FGGY: variants seen among roughly 807,000 people sequenced by gnomAD.
FGGY encodes the protein FGGY carbohydrate kinase domain-containing protein.
A neutral mutation model predicts 71.3 loss-of-function variants in FGGY; 72 were observed. The ratio of observed to expected loss-of-function variants is 1.01; its 90% CI spans 0.84 to 1.23. The LOEUF is 1.23. FGGY is among the 50% of genes most tolerant of loss of function. FGGY has a pLI of 0.00. For synonymous variants in FGGY, 251 were observed against 250.3 expected, an observed-to-expected ratio of 1.00 and a Z score of -0.02; for missense variants, 668 against 682.3, an observed-to-expected ratio of 0.98 and a Z score of 0.23.
At chr1:59,690,725 G>T (rs2097581099) in intron 14 of FGGY, among the ~76,000 whole-genome samples, 1 of 152,204 alleles carries the variant, frequency 6.6e-6, no homozygotes, top group Non-Finnish European at 1.5e-5. Context: ...CCTGAAGCTG[G>T]CTAAGAAGGC....
chr1:59,310,559 C>T (rs1401623204), intron 1 of FGGY, among the ~76,000 whole-genome samples: 3 of 152,194 alleles, frequency 2.0e-5, no homozygotes, highest in African/African-American at 4.8e-5. Flanking sequence ...CCCTGTCCCC[C>T]GACTATCTCC....
intron 14 of FGGY, among the ~76,000 whole-genome samples, chr1:59,701,329 T>C (rs111400955): frequency 5.3e-4 from 80 of 152,262 alleles, no homozygotes; most frequent in African/African-American, 1.7e-3. Flanking sequence ...ACAAGTTTGG[T>C]GACTCTTTTT....
intron 14 of FGGY, among the ~76,000 whole-genome samples, chr1:59,723,555 T>G (rs74613188): frequency 3.4e-5 from 4 of 118,346 alleles, no homozygotes; most frequent in South Asian, 2.9e-4. Context: ...CATTTTCTTG[T>G]TTTTTTTTGG....
At position 59,383,163 on chromosome 1, in the gene FGGY, GT is replaced by G. The variant is rs2059678188; in HGVS notation, c.554+4328del. The stretch of plus-strand genomic sequence containing the variant: ...CTATTAAAGCAATTTTTCCAAATTA[GT>G]TGGAGTATAGGAATTACCTGAATGA... On this transcript the variant is annotated intron_variant, in intron 5 of 15. Coordinates refer to ENST00000303721, the MANE Select transcript of FGGY (RefSeq NM_018291.5). Among the ~76,000 whole-genome samples the G allele has an allele frequency of 5.9e-5, 9 of 152,236 alleles. No homozygotes were observed. In the South Asian group the frequency reaches 1.9e-3, roughly 32 times the overall value.
intron 6 of FGGY, among the ~76,000 whole-genome samples, chr1:59,475,999 T>C (rs997099743): frequency 1.3e-5 from 2 of 152,224 alleles, no homozygotes; most frequent in Non-Finnish European, 2.9e-5. Flanking sequence ...TTTTATTGCT[T>C]ACCATGCCCC....
chr1:59,298,748 G>C (rs980490582), intron 1 of FGGY, among the ~76,000 whole-genome samples: 13 of 152,268 alleles, frequency 8.5e-5, no homozygotes, highest in Admixed American at 7.2e-4. Context: ...TCCACCCCCA[G>C]GGGGATTTGA....
At chr1:59,700,844 GC>G (rs1218500429) in intron 14 of FGGY, among the ~76,000 whole-genome samples, 2 of 152,298 alleles carry the variant, frequency 1.3e-5, no homozygotes, top group East Asian at 3.9e-4. Context: ...CAGGAGAGAG[GC>G]CCTCCTGAGG....
At chr1:59,496,492 C>T (rs1558125337) in intron 6 of FGGY, among the ~76,000 whole-genome samples, 4 of 151,992 alleles carry the variant, frequency 2.6e-5, no homozygotes. Flanking sequence ...CATATGAACA[C>T]AAAGGAGAGA....
chr1:59,676,193 A>G (rs2153982830), intron 14 of FGGY, among the ~76,000 whole-genome samples: 1 of 152,218 alleles, frequency 6.6e-6, no homozygotes, highest in Middle Eastern at 3.4e-3. Context: ...TCCTGCTTGC[A>G]GGATGCGTGT....
intron 6 of FGGY, among the ~76,000 whole-genome samples, chr1:59,508,034 C>G (rs1268277683): frequency 6.6e-6 from 1 of 152,132 alleles, no homozygotes; most frequent in African/African-American, 2.4e-5. Context: ...CTACAGGAAA[C>G]TCACTTTTTG....
intron 7 of FGGY, among the ~76,000 whole-genome samples, chr1:59,551,200 G>A (rs918420560): frequency 6.6e-6 from 1 of 152,108 alleles, no homozygotes; most frequent in African/African-American, 2.4e-5. Flanking sequence ...CAACAACCAT[G>A]TGATGTTGTG....
chr1:59,470,027 C>A (rs951484360), intron 6 of FGGY, among the ~76,000 whole-genome samples: 1 of 152,132 alleles, frequency 6.6e-6, no homozygotes, highest in Non-Finnish European at 1.5e-5. Flanking sequence ...GATTCCATGT[C>A]TTTGCTATTG....
At chr1:59,320,294 CTG>C (rs1472675542) in intron 1 of FGGY, among the ~76,000 whole-genome samples, 50 of 152,154 alleles carry the variant, frequency 3.3e-4, no homozygotes, top group Non-Finnish European at 5.7e-4. Context: ...GAAGCAGTAA[CTG>C]AACATCTGCT....
At chr1:59,510,903 T>C (rs2094503254) in intron 6 of FGGY, among the ~76,000 whole-genome samples, 1 of 152,242 alleles carries the variant, frequency 6.6e-6, no homozygotes, top group Non-Finnish European at 1.5e-5. Flanking sequence ...GTTCCGAACA[T>C]ACTTAAAAGT....
intron 8 of FGGY, among the ~76,000 whole-genome samples, chr1:59,604,958 G>T (rs986364680): frequency 6.6e-6 from 1 of 152,178 alleles, no homozygotes; most frequent in Non-Finnish European, 1.5e-5. Flanking sequence ...AATTTTCACT[G>T]GGCAAAGAAA....
intron 6 of FGGY, among the ~76,000 whole-genome samples, chr1:59,488,108 A>T (rs2093709813): frequency 6.6e-6 from 1 of 152,068 alleles, no homozygotes; most frequent in Non-Finnish European, 1.5e-5. Context: ...GCATATTCAT[A>T]TTTTCATGAT....
intron 7 of FGGY, among the ~76,000 whole-genome samples, chr1:59,519,768 G>GGCTACA (rs745803380): frequency 3.3e-5 from 5 of 152,210 alleles, no homozygotes; most frequent in Non-Finnish European, 7.3e-5. Context: ...CTACAAGGTA[G>GGCTACA]AGGTTGTTTC....
At chr1:59,424,078 T>G (rs2065908982) in intron 5 of FGGY, among the ~76,000 whole-genome samples, 1 of 152,252 alleles carries the variant, frequency 6.6e-6, no homozygotes, top group Non-Finnish European at 1.5e-5. Flanking sequence ...AATAGGCAAA[T>G]AAAGATGGTT....
chr1:59,731,740 A>T (rs1355166507), intron 14 of FGGY, among the ~76,000 whole-genome samples: 3 of 152,018 alleles, frequency 2.0e-5, no homozygotes, highest in Non-Finnish European at 4.4e-5. Context: ...GGATTTCTGG[A>T]TTGGATAAAG....
Sources: gnomAD v4.1 joint callset for allele counts (sites outside exome capture counted in the v4.1 genomes callset) on GRCh38, gnomAD v4.1.1 for gene constraint, MANE v1.5 for transcripts, NCBI Gene and HGNC (gene_info 2026-07-23, HGNC 2026-07-21) for gene names.